CYB5B: variants seen among roughly 807,000 people sequenced by gnomAD.
The protein encoded by CYB5B is cytochrome b5 type B (outer mitochondrial membrane).
A neutral mutation model predicts 21.3 loss-of-function variants in CYB5B; 14 were observed. The observed-to-expected ratio is 0.66, with a 90% CI of 0.43 to 1.03. The LOEUF (loss-of-function observed/expected upper bound fraction) is 1.03, where lower values mean the gene tolerates loss of function less well. CYB5B is among the 50% of genes least tolerant of loss of function. CYB5B has a pLI of 0.00. For missense variants in CYB5B, 166 were observed against 185.1 expected (o/e 0.90, Z 0.60); for synonymous variants, 69 against 68.4 (o/e 1.01, Z -0.04).
intron 1 of CYB5B, among the ~76,000 whole-genome samples, chr16:69,442,911 G>C (rs1326490938): frequency 6.6e-6 from 1 of 150,760 alleles, no homozygotes; most frequent in East Asian, 2.0e-4. Flanking sequence ...TTCTGGCAGA[G>C]CTAATTTTTA....
In CYB5B at chr16:69,424,703, C is replaced by CTGCGGAAGCT. The variant is rs1333567333; in HGVS notation, c.21_30dup (p.Ser11CysfsTer4). ...GGCAGTATGTCCGGTTCAATGGCGA[C>CTGCGGAAGCT]TGCGGAAGCTAGCGGCAGCGATGGG... is the stretch of plus-strand genomic sequence containing the variant. On this transcript the variant is annotated frameshift_variant, in exon 1 of 5. Transcript: ENST00000307892. LOFTEE classifies it high-confidence loss of function. 1 of 1,590,038 alleles carries CTGCGGAAGCT rather than the reference C, an allele frequency of 6.3e-7. No individual in the cohort carries two copies. The highest frequency in any genetic ancestry group is 1.4e-5 in the African/African-American group (1 of 73,762).
chr16:69,441,752 AT>A (rs1179602660), intron 1 of CYB5B, among the ~76,000 whole-genome samples: 5 of 151,768 alleles, frequency 3.3e-5, no homozygotes, highest in Non-Finnish European at 7.4e-5. Context: ...ATAGAAACTC[AT>A]TTTTTTTCAG....
At position 69,424,794 on chromosome 16, in the gene CYB5B, C is replaced by A. The variant is rs367755399; in HGVS notation, c.111C>A (p.Ser37=). The A allele has an allele frequency of 3.7e-5, 59 of 1,609,020 alleles. No individual in the cohort carries two copies. Among genetic ancestry groups the A allele is most frequent in the Non-Finnish European group, 4.8e-5 (57 of 1,177,616 alleles). The change falls in exon 1 of 5, where the codon TCC becomes TCA. Residue 37 remains serine (S), a synonymous_variant. Transcript: ENST00000307892. ...TGGAGGAGGTGGCAAAGCGCAACTC[C>A]TTGAAGGAACTGTGGCTTGTGATCC... ...YRLEEVAKRN[S]LKELWLVIHG... is the part of the protein sequence containing the mutation.
At chr16:69,427,668 C>T (rs149076804) in intron 1 of CYB5B, among the ~76,000 whole-genome samples, 86 of 152,234 alleles carry the variant, frequency 5.6e-4, no homozygotes, top group African/African-American at 1.9e-3. Context: ...GTGTGCACCA[C>T]GACGCCTGGC....
chr16:69,454,286 G>A (rs1436177942), intron 3 of CYB5B, among the ~76,000 whole-genome samples: 1 of 152,036 alleles, frequency 6.6e-6, no homozygotes, highest in African/African-American at 2.4e-5. Flanking sequence ...ATAACGGTTT[G>A]ACTCTAGGAT....
At position 69,424,781 on chromosome 16, in the gene CYB5B, C is replaced by A; in HGVS notation, c.98C>A (p.Ala33Glu). The A allele has an allele frequency of 6.2e-7, 1 of 1,608,826 alleles. No homozygotes were observed. Among genetic ancestry groups the A allele is most frequent in the Non-Finnish European group, 8.5e-7 (1 of 1,177,556 alleles). The change falls in exon 1 of 5, where the codon GCA becomes GAA. Residue 33 changes from alanine to glutamate, a missense_variant. Transcript: ENST00000307892. ...SVTYYRLEEV[A>E]KRNSLKELWL... is the part of the protein sequence containing the mutation. The stretch of plus-strand genomic sequence containing the variant: ...ACCTATTACCGGTTGGAGGAGGTGG[C>A]AAAGCGCAACTCCTTGAAGGAACTG...
intron 3 of CYB5B, among the ~76,000 whole-genome samples, chr16:69,454,790 A>G (rs2014967331): frequency 6.6e-6 from 1 of 152,276 alleles, no homozygotes; most frequent in South Asian, 2.1e-4. Flanking sequence ...GAATTAAAAC[A>G]TAAAGTCTTT....
chr16:69,454,293 G>T (rs1332539795), intron 3 of CYB5B, among the ~76,000 whole-genome samples: 2 of 152,068 alleles, frequency 1.3e-5, no homozygotes, highest in Non-Finnish European at 2.9e-5. Flanking sequence ...TTTGACTCTA[G>T]GATTATATAC....
intron 3 of CYB5B, among the ~76,000 whole-genome samples, chr16:69,454,355 C>T (rs538624024): frequency 4.6e-5 from 7 of 152,276 alleles, no homozygotes; most frequent in Non-Finnish European, 1.0e-4. Context: ...AGAAATGGTT[C>T]TTACTGACTT....
intron 1 of CYB5B, among the ~76,000 whole-genome samples, chr16:69,433,633 CA>C (rs1221680078): frequency 2.6e-5 from 4 of 152,260 alleles, no homozygotes; most frequent in Admixed American, 1.3e-4. Context: ...TTTGCTGTCA[CA>C]TTTTTTTCTC....
intron 3 of CYB5B, 50 bp from the exon 4 acceptor site, chr16:69,459,042 CT>C (rs1300498804): frequency 2.0e-6 from 3 of 1,519,564 alleles, no homozygotes; most frequent in Admixed American, 3.9e-5. Context: ...CTATGTTAAT[CT>C]TCTTTCTTTT....
rs550170253 is a variant in CYB5B at position 69,465,418 on chromosome 16, G to A, written c.*2898G>A. ...CAGCAATTGGTTTTGGTTTCCAAAT[G>A]ACTTCTGCATTTGTAAAGATAACAG... On this transcript the variant is annotated 3_prime_UTR_variant, in exon 5 of 5. Transcript: ENST00000307892. 6.6e-6 allele frequency: 1 copy of A among 152,314 alleles called. No homozygotes were observed. The highest frequency in any genetic ancestry group is 1.9e-4 in the East Asian group (1 of 5,182). 9.4% of individuals were successfully genotyped at this position (152,314 alleles called of 1,614,324 possible).
At chr16:69,444,574 C>G (rs902972077) in intron 1 of CYB5B, among the ~76,000 whole-genome samples, 1 of 151,872 alleles carries the variant, frequency 6.6e-6, no homozygotes, top group Non-Finnish European at 1.5e-5. Flanking sequence ...TTTGCTTGTT[C>G]TAAGCCATCT....
chr16:69,445,066 A>G (rs1402635357), intron 1 of CYB5B, among the ~76,000 whole-genome samples: 1 of 152,250 alleles, frequency 6.6e-6, no homozygotes, highest in Non-Finnish European at 1.5e-5. Flanking sequence ...GTTGTAATCT[A>G]TGAAGGAGTT....
chr16:69,441,006 CA>C (rs2014816328), intron 1 of CYB5B, among the ~76,000 whole-genome samples: 1 of 151,896 alleles, frequency 6.6e-6, no homozygotes, highest in Non-Finnish European at 1.5e-5. Context: ...ATTGTAGATT[CA>C]TATGTAGTTG....
At chr16:69,449,233 C>G (rs1199179127) in intron 3 of CYB5B, 1 of 151,916 alleles carries the variant, frequency 6.6e-6, no homozygotes, top group Non-Finnish European at 1.5e-5. Flanking sequence ...TTAAATAGTT[C>G]AAAACAGTAT....
intron 3 of CYB5B, among the ~76,000 whole-genome samples, chr16:69,456,090 T>C (rs1305442245): frequency 1.3e-5 from 2 of 152,162 alleles, no homozygotes; most frequent in Non-Finnish European, 2.9e-5. Context: ...TATTACAAAA[T>C]ATTTCCTTTT....
chr16:69,443,003 C>T (rs1200457037), intron 1 of CYB5B, among the ~76,000 whole-genome samples: 1 of 152,006 alleles, frequency 6.6e-6, no homozygotes, highest in African/African-American at 2.4e-5. Flanking sequence ...GGCTGGAGTG[C>T]AGTGGTGCGA....
At chr16:69,451,269 C>T (rs2014928388) in intron 3 of CYB5B, among the ~76,000 whole-genome samples, 2 of 152,184 alleles carry the variant, frequency 1.3e-5, no homozygotes, top group African/African-American at 4.8e-5. Context: ...GTTACGGAAA[C>T]TCACCTTAGA....
Sources: allele counts gnomAD v4.1 joint callset (sites outside exome capture counted in the v4.1 genomes callset), GRCh38; gene constraint gnomAD v4.1.1; transcripts MANE v1.5; gene names NCBI Gene and HGNC (gene_info 2026-07-23, HGNC 2026-07-21).